The following COL5A1 variants were observed in gnomAD, a reference collection of about 807,000 sequenced individuals.
The protein encoded by COL5A1 is collagen type V alpha 1 chain, also known as collagen alpha-1(V) chain.
In COL5A1, 16 loss-of-function variants were observed where a neutral mutation model predicts 263.7. The observed-to-expected ratio is 0.06, with a 90% CI of 0.04 to 0.09. COL5A1 has a LOEUF of 0.09. Among genes scored for constraint, COL5A1 ranks in the 10% least tolerant of loss-of-function variants. COL5A1 has a pLI of 1.00. For missense variants in COL5A1, 2,036 were observed against 2,540.5 expected (o/e 0.80, Z 4.27); for synonymous variants, 1,012 against 1,004.5 (o/e 1.01, Z -0.14).
intron 4 of COL5A1, among the ~76,000 whole-genome samples, chr9:134,719,854 T>G (rs760145837): frequency 9.2e-5 from 14 of 152,278 alleles, no homozygotes; most frequent in Middle Eastern, 3.4e-3. Context: ...GGATTGGATG[T>G]GTGCCATGAA....
At chr9:134,804,117 G>A (rs986210095) in intron 39 of COL5A1, among the ~76,000 whole-genome samples, 4 of 152,090 alleles carry the variant, frequency 2.6e-5, no homozygotes, top group Non-Finnish European at 5.9e-5. Context: ...ATAAAGTGAA[G>A]CAAATGAAGA....
rs1257715072 is a variant in COL5A1 at position 134,795,106 on chromosome 9, C to T, written c.2725C>T (p.Arg909Trp). The change falls in exon 33 of 66, where the codon CGG becomes TGG. Residue 909 changes from arginine to tryptophan, a missense_variant. Around this residue, in one of 3 missense-constraint regions of COL5A1, gnomAD observed 1,078 missense variants for 1,521.4 expected, o/e 0.71. Coordinates refer to ENST00000371817, the MANE Select transcript of COL5A1 (RefSeq NM_000093.5). ...GRGTPGKPGP[R>W]GQRGPTGPRG... ...GGGGACCCCTGGAAAGCCAGGACCGCGGGGGCAGCGAGGCCCAACGGTAAC... is the reference window on the plus strand; with the variant it reads ...GGGGACCCCTGGAAAGCCAGGACCGTGGGGGCAGCGAGGCCCAACGGTAAC... 6.2e-6 allele frequency: 10 copies of T among 1,613,876 alleles called. No homozygotes were observed. The highest frequency in any genetic ancestry group is 3.3e-5 in the Admixed American group (2 of 59,994).
chr9:134,817,683 C>CCACACA, intron 53 of COL5A1, 95 bp from the exon 54 acceptor site: 1 of 1,063,554 alleles, frequency 9.4e-7, no homozygotes, highest in East Asian at 2.7e-5. Flanking sequence ...CCCCTGCAGG[C>CCACACA]CACACACACA....
intron 29 of COL5A1, among the ~76,000 whole-genome samples, chr9:134,782,986 A>AG (rs1483936537): frequency 6.6e-6 from 1 of 152,162 alleles, no homozygotes. Flanking sequence ...TGTCCCACAC[A>AG]GGGGGTCAGT....
chr9:134,766,711 C>A (rs1208806915), intron 22 of COL5A1, among the ~76,000 whole-genome samples: 1 of 152,212 alleles, frequency 6.6e-6, no homozygotes, highest in Admixed American at 6.5e-5. Flanking sequence ...CCCAATAAAT[C>A]ATTTCTGGTC....
Position 134,820,191 on chromosome 9 carries a change from C to G in COL5A1, c.4522C>G (p.Pro1508Ala). The G allele has an allele frequency of 6.2e-7, 1 of 1,613,896 alleles. No homozygotes were observed. ...GEKGDRGLPG[P>A]QGSSGPKGEQ... The stretch of plus-strand genomic sequence containing the variant: ...GAAGGGCGACCGTGGTCTCCCTGGC[C>G]CCCAGGGCTCCTCCGGTCCTAAGGG... The change falls in exon 58 of 66, where the codon CCC (proline) becomes GCC (alanine). Residue 1508 changes from proline to alanine, a missense_variant. Pro to Ala is a conservative substitution (Grantham distance 27). This residue lies in a region of COL5A1 where 1,078 missense variants were observed against 1,521.4 expected (regional missense o/e 0.71). Coordinates refer to ENST00000371817, the MANE Select transcript of COL5A1 (RefSeq NM_000093.5).
intron 4 of COL5A1, among the ~76,000 whole-genome samples, chr9:134,712,915 A>T (rs1463496259): frequency 6.6e-6 from 1 of 151,864 alleles, no homozygotes; most frequent in Non-Finnish European, 1.5e-5. Context: ...TCTGTCCGCA[A>T]ACCTGTCCTC....
At chr9:134,728,967 GC>G (rs1373406829) in intron 6 of COL5A1, among the ~76,000 whole-genome samples, 160 bp downstream of exon 6, 3 of 152,184 alleles carry the variant, frequency 2.0e-5, no homozygotes, top group African/African-American at 7.2e-5. Context: ...TGCCATCCGA[GC>G]TTTGCTGTCA....
At chr9:134,648,332 C>T (rs950881357) in intron 1 of COL5A1, among the ~76,000 whole-genome samples, 6 of 149,490 alleles carry the variant, frequency 4.0e-5, no homozygotes, top group Admixed American at 2.7e-4. Context: ...TCTATTATTT[C>T]TATTCCTATT....
At chr9:134,649,029 G>A (rs891349206) in intron 1 of COL5A1, among the ~76,000 whole-genome samples, 1 of 151,904 alleles carries the variant, frequency 6.6e-6, no homozygotes, top group African/African-American at 2.4e-5. Flanking sequence ...TGTGATGGCG[G>A]TGAGTGGTGG....
At chr9:134,792,659 C>A (rs1369959870) in intron 32 of COL5A1, among the ~76,000 whole-genome samples, 1 of 152,188 alleles carries the variant, frequency 6.6e-6, no homozygotes, top group Non-Finnish European at 1.5e-5. Flanking sequence ...ACCACCATGC[C>A]CGGCCCAGAG....
chr9:134,783,159 A>G (rs988696968), intron 29 of COL5A1, among the ~76,000 whole-genome samples: 4 of 152,234 alleles, frequency 2.6e-5, no homozygotes, highest in African/African-American at 9.6e-5. Flanking sequence ...CGGCGCCCAC[A>G]GGGCAGCACG....
At chr9:134,671,715 T>C (rs1167718750) in intron 1 of COL5A1, among the ~76,000 whole-genome samples, 1 of 152,196 alleles carries the variant, frequency 6.6e-6, no homozygotes, top group Non-Finnish European at 1.5e-5. Flanking sequence ...TAACTGGAAG[T>C]GTATTCCTTT....
chr9:134,751,087 G>C (rs905920386), intron 13 of COL5A1, among the ~76,000 whole-genome samples: 1 of 152,066 alleles, frequency 6.6e-6, no homozygotes, highest in Non-Finnish European at 1.5e-5. Flanking sequence ...TCAGTGTCCA[G>C]TAGGGGCTCT....
chr9:134,750,401 C>T, intron 11 of COL5A1, 141 bp from the exon 12 acceptor site: 2 of 766,348 alleles, frequency 2.6e-6, no homozygotes, highest in South Asian at 1.5e-5. Flanking sequence ...CTGAAACATT[C>T]CTGCCACGGG....
chr9:134,711,272 G>T (rs1834035269), intron 4 of COL5A1, among the ~76,000 whole-genome samples: 1 of 152,058 alleles, frequency 6.6e-6, no homozygotes, highest in African/African-American at 2.4e-5. Flanking sequence ...CAAGCAGACG[G>T]TCCAGGTGGT....
intron 25 of COL5A1, among the ~76,000 whole-genome samples, chr9:134,770,131 G>A (rs1383095676): frequency 6.6e-6 from 1 of 152,204 alleles, no homozygotes; most frequent in Non-Finnish European, 1.5e-5. Context: ...CCCAAAGACA[G>A]CCCCAGCCAT....
chr9:134,820,052 C>A (rs1018571608), intron 57 of COL5A1, 64 bp from the exon 58 acceptor site: 1 of 1,214,926 alleles, frequency 8.2e-7, no homozygotes, highest in African/African-American at 1.5e-5. Context: ...CTAACTGGCC[C>A]ACCGTGGCCG....
At position 134,682,441 on chromosome 9, in the gene COL5A1, C is replaced by T. The variant is rs2132533097; in HGVS notation, c.110-8471C>T. Among the ~76,000 whole-genome samples, 1 of 152,286 alleles carries T rather than the reference C, an allele frequency of 6.6e-6. No homozygotes were observed. The highest frequency in any genetic ancestry group is 3.4e-3 in the Middle Eastern group (1 of 294). On this transcript the variant is annotated intron_variant, in intron 1 of 65. Transcript: ENST00000371817. This position sits in a 1 kb window ranked among gnomAD's most constrained non-coding sequence, Gnocchi z 5.1. ...CTGGGCCAGCACACTTCCCCAGAGACCCTGACCCCAGGACCGACGGAGCCA... is the reference window on the plus strand; with the variant it reads ...CTGGGCCAGCACACTTCCCCAGAGATCCTGACCCCAGGACCGACGGAGCCA...
Sources: gnomAD v4.1 joint callset for allele counts (sites outside exome capture counted in the v4.1 genomes callset) on GRCh38, gnomAD v4.1.1 for gene constraint, gnomAD v4.1.1 regional missense constraint, Gnocchi (gnomAD v3.1) non-coding constraint, MANE v1.5 for transcripts, NCBI Gene and HGNC (gene_info 2026-07-23, HGNC 2026-07-21) for gene names.